Variants in RGS7 observed in about 807,000 individuals in gnomAD.
RGS7 encodes regulator of G protein signaling 7, also known as regulator of G-protein signaling 7.
RGS7 carries 27 observed loss-of-function variants against 81.1 expected under a neutral mutation model. The ratio of observed to expected loss-of-function variants is 0.33; its 90% CI spans 0.25 to 0.46. RGS7 has a LOEUF of 0.46. RGS7 is among the 20% of genes least tolerant of loss of function. The pLI, the probability that RGS7 is intolerant of heterozygous loss-of-function variation, is 1.00. For synonymous variants in RGS7, 208 were observed against 207.7 expected (o/e 1.00, Z -0.01); for missense variants, 396 against 607.4 (o/e 0.65, Z 3.66).
chr1:240,984,038 A>C (rs1245398529), intron 3 of RGS7, among the ~76,000 whole-genome samples: 1 of 152,214 alleles, frequency 6.6e-6, no homozygotes. Flanking sequence ...AAAAACTAAA[A>C]GGTGGAAAAG....
intron 2 of RGS7, among the ~76,000 whole-genome samples, chr1:241,099,006 G>A (rs72758847): frequency 0.067 from 10,266 of 152,158 alleles, 429 homozygotes; most frequent in Admixed American, 0.091. Context: ...TTTGAATATT[G>A]CCTTTCTCCT....
intron 15 of RGS7, among the ~76,000 whole-genome samples, chr1:240,804,452 TA>T (rs148128306): frequency 0.093 from 14,068 of 151,774 alleles, 1,205 homozygotes; most frequent in African/African-American, 0.23. Flanking sequence ...AGATTTTTTT[TA>T]AAAACCACAA....
chr1:241,086,561 G>A (rs183508610), intron 3 of RGS7, among the ~76,000 whole-genome samples: 1 of 151,726 alleles, frequency 6.6e-6, no homozygotes, highest in East Asian at 1.9e-4. Context: ...TACAGCCACA[G>A]TACCCAGCCT....
intron 6 of RGS7, among the ~76,000 whole-genome samples, chr1:240,928,127 C>T (rs145091540): frequency 8.1e-4 from 123 of 152,336 alleles, no homozygotes; most frequent in Middle Eastern, 6.8e-3. Flanking sequence ...AGCATTCTCT[C>T]GGCCACCCAC....
rs182936862 is a variant in RGS7 at position 241,221,511 on chromosome 1, C to T, written c.79-122749G>A. Among the ~76,000 whole-genome samples the T allele has an allele frequency of 1.0e-3, 152 of 152,286 alleles. 1 individual carries two copies. The highest frequency in any genetic ancestry group is 2.2e-4 in the Non-Finnish European group (15 of 68,030). On this transcript the variant is annotated intron_variant, in intron 2 of 18. Transcript: ENST00000440928. ...TCACATCCAGAGCTGGTCAATGAAG[C>T]CTACCCATACATGACTGTGATAGTT...
chr1:241,132,631 A>AT lies in RGS7; in HGVS notation c.79-33870dup, dbSNP rs202107786. ...CATATTTTGGAGAAGAGGTACTTCC[A>AT]TTTTTTTTGGTGGGGGAGGTACATT... On this transcript the variant is annotated intron_variant, in intron 2 of 18. Transcript: ENST00000440928. Among the ~76,000 whole-genome samples the AT allele has an allele frequency of 7.5e-3, 1,144 of 151,884 alleles. 9 individuals carry two copies. Among genetic ancestry groups the AT allele is most frequent in the African/African-American group, 0.026 (1,092 of 41,262 alleles).
At chr1:241,162,222 G>GCGCCCCCCCCCCCCCCCCCCCCCC (rs68166816) in intron 2 of RGS7, among the ~76,000 whole-genome samples, 1 of 142,022 alleles carries the variant, frequency 7.0e-6, no homozygotes, top group Non-Finnish European at 1.6e-5. Flanking sequence ...CTGGTGATCA[G>GCGCCCCCCCCCCCCCCCCCCCCCC]CTTCCAAATA....
At chr1:241,031,300 A>G (rs1340917719) in intron 3 of RGS7, among the ~76,000 whole-genome samples, 2 of 152,146 alleles carry the variant, frequency 1.3e-5, no homozygotes, top group African/African-American at 2.4e-5. Context: ...ACATTATTTT[A>G]TTATATATTT....
chr1:241,343,742 T>C (rs1158232629), intron 2 of RGS7, among the ~76,000 whole-genome samples: 2 of 152,084 alleles, frequency 1.3e-5, no homozygotes, highest in Non-Finnish European at 2.9e-5. Context: ...AGTTTCAGAT[T>C]GGGAAGATTA....
chr1:240,960,217 C>CTTTTTTT (rs750366747), intron 4 of RGS7, among the ~76,000 whole-genome samples: 499 of 9,006 alleles, frequency 0.055, 21 homozygotes, highest in South Asian at 0.14. Flanking sequence ...TCTTCTTCTT[C>CTTTTTTT]TTTTTTTTTT....
chr1:240,966,964 T>C (rs187813750), intron 4 of RGS7, among the ~76,000 whole-genome samples: 2 of 152,330 alleles, frequency 1.3e-5, no homozygotes, highest in East Asian at 1.9e-4. Flanking sequence ...TGAAACACTA[T>C]GTAGGGGTTA....
intron 6 of RGS7, among the ~76,000 whole-genome samples, chr1:240,914,795 G>A (rs986961471): frequency 2.6e-5 from 4 of 152,054 alleles, no homozygotes; most frequent in Admixed American, 6.6e-5. Context: ...CAATTCCTCT[G>A]AAATCCCTCA....
chr1:241,126,414 G>A (rs1293929543), intron 2 of RGS7, among the ~76,000 whole-genome samples: 1 of 152,114 alleles, frequency 6.6e-6, no homozygotes, highest in African/African-American at 2.4e-5. Context: ...CTCCCAAAGT[G>A]CTGGGATTAC....
chr1:240,965,689 C>A (rs936814254), intron 4 of RGS7, among the ~76,000 whole-genome samples: 2 of 152,156 alleles, frequency 1.3e-5, no homozygotes, highest in African/African-American at 4.8e-5. Flanking sequence ...TTGTAAAGGG[C>A]TGGGTGGGAC....
intron 9 of RGS7, among the ~76,000 whole-genome samples, chr1:240,834,486 T>C (rs751692295): frequency 1.3e-5 from 2 of 152,104 alleles, no homozygotes; most frequent in Non-Finnish European, 2.9e-5. Context: ...TTTGGTTTAA[T>C]TCTTTATTTT....
chr1:241,157,651 A>G (rs1466794058), intron 2 of RGS7, among the ~76,000 whole-genome samples: 1 of 152,196 alleles, frequency 6.6e-6, no homozygotes, highest in Admixed American at 6.5e-5. Context: ...CCATGGCTCA[A>G]ATCTGGCCTG....
intron 2 of RGS7, among the ~76,000 whole-genome samples, chr1:241,123,868 G>A (rs1572788410): frequency 1.3e-5 from 2 of 152,302 alleles, no homozygotes; most frequent in East Asian, 3.9e-4. Flanking sequence ...ATGGGACTGG[G>A]TATCCCCGCC....
intron 2 of RGS7, among the ~76,000 whole-genome samples, chr1:241,142,522 G>A (rs2068003962): frequency 6.6e-6 from 1 of 152,198 alleles, no homozygotes; most frequent in African/African-American, 2.4e-5. Context: ...CAAAGGTTGA[G>A]GCTTTAACCC....
intron 2 of RGS7, among the ~76,000 whole-genome samples, chr1:241,174,766 G>A (rs1433935813): frequency 6.6e-6 from 1 of 151,534 alleles, no homozygotes; most frequent in African/African-American, 2.4e-5. Context: ...ATCAGAAGGA[G>A]TATTTCTATG....
Sources: gnomAD v4.1 joint callset for allele counts (sites outside exome capture counted in the v4.1 genomes callset) on GRCh38, gnomAD v4.1.1 for gene constraint, MANE v1.5 for transcripts, NCBI Gene and HGNC (gene_info 2026-07-23, HGNC 2026-07-21) for gene names.